CNTNAP5: variants seen among roughly 807,000 people sequenced by gnomAD.
CNTNAP5 encodes contactin associated protein family member 5, also known as contactin-associated protein-like 5.
CNTNAP5 carries 72 observed loss-of-function variants against 150.2 expected under a neutral mutation model. The ratio of observed to expected loss-of-function variants is 0.48; its 90% CI spans 0.40 to 0.58. The LOEUF is 0.58. Ranked by LOEUF, CNTNAP5 falls within the 20% of genes least tolerant of loss-of-function variation. The probability of loss-of-function intolerance (pLI) is 0.00; values close to 1 mark genes in which losing one functional copy is unlikely to be tolerated. For missense variants in CNTNAP5, 1,636 were observed against 1,626.2 expected (o/e 1.01, Z -0.10); for synonymous variants, 672 against 619.8 (o/e 1.08, Z -1.25).
chr2:124,386,333 T>G (rs1479517509), intron 3 of CNTNAP5, among the ~76,000 whole-genome samples: 1 of 152,194 alleles, frequency 6.6e-6, no homozygotes, highest in East Asian at 1.9e-4. Context: ...TGTTTGAAAC[T>G]CAGAATCACA....
intron 2 of CNTNAP5, among the ~76,000 whole-genome samples, chr2:124,239,849 A>T (rs1317856917): frequency 1.3e-5 from 2 of 152,240 alleles, no homozygotes; most frequent in Admixed American, 6.5e-5. Context: ...GAAGCTAGAG[A>T]AAGGCAGAGG....
rs143521861 is a variant in CNTNAP5, at chr2:124,576,712, G to T, written c.1756+13389G>T. ...TTCCAGGCTCTAACAATTACTAATTGAGTGACCTGTGGGAAATTATTCACC... is the reference window on the plus strand; with the variant it reads ...TTCCAGGCTCTAACAATTACTAATTTAGTGACCTGTGGGAAATTATTCACC... On this transcript the variant is annotated intron_variant, in intron 11 of 23. Coordinates refer to ENST00000682447, the MANE Select transcript of CNTNAP5 (RefSeq NM_001367498.1). 6.3e-4 allele frequency among the ~76,000 whole-genome samples: 96 copies of T among 152,278 alleles called. 1 individual carries two copies. The highest frequency in any genetic ancestry group is 2.1e-3 in the African/African-American group (89 of 41,560).
rs189512162 is a variant in CNTNAP5 at position 124,919,285 on chromosome 2, C to T, written c.*4997C>T. Among the ~76,000 whole-genome samples the T allele has an allele frequency of 3.3e-5, 5 of 151,946 alleles. No homozygotes were observed. Among genetic ancestry groups the T allele is most frequent in the South Asian group, 2.1e-4 (1 of 4,812 alleles). On this transcript the variant is annotated 3_prime_UTR_variant, in exon 24 of 24. Transcript: ENST00000682447. ...TTCATATAAGGTTTTAATAATTAAC[C>T]GGTTTGCTATTTTTCAGTGATTATT... is the stretch of plus-strand genomic sequence containing the variant.
intron 12 of CNTNAP5, among the ~76,000 whole-genome samples, chr2:124,613,325 A>ATTAT (rs1306051844): frequency 6.6e-6 from 1 of 152,164 alleles, no homozygotes; most frequent in East Asian, 1.9e-4. Context: ...TATCTTTAAC[A>ATTAT]CTGGGATAAT....
intron 1 of CNTNAP5, among the ~76,000 whole-genome samples, chr2:124,198,984 T>C (rs1041449551): frequency 6.6e-6 from 1 of 152,152 alleles, no homozygotes; most frequent in African/African-American, 2.4e-5. Context: ...TCTGGTAGTC[T>C]TATTTTGTTT....
intron 12 of CNTNAP5, among the ~76,000 whole-genome samples, chr2:124,638,683 T>C (rs1678024347): frequency 6.6e-6 from 1 of 152,222 alleles, no homozygotes; most frequent in Non-Finnish European, 1.5e-5. Context: ...CTTGTTCTTA[T>C]CCAACTTTTT....
chr2:124,702,675 CTA>C (rs1464715614), intron 13 of CNTNAP5, among the ~76,000 whole-genome samples: 2 of 152,046 alleles, frequency 1.3e-5, no homozygotes, highest in East Asian at 3.9e-4. Flanking sequence ...AGTGTCTGCC[CTA>C]TATCAATTTT....
At chr2:124,075,964 T>C (rs1474073523) in intron 1 of CNTNAP5, among the ~76,000 whole-genome samples, 1 of 152,186 alleles carries the variant, frequency 6.6e-6, no homozygotes, top group East Asian at 1.9e-4. Context: ...AACTTGTGCA[T>C]CTCAGAAATG....
intron 12 of CNTNAP5, among the ~76,000 whole-genome samples, chr2:124,642,774 TAGC>T (rs146632594): frequency 0.021 from 3,228 of 152,314 alleles, 42 homozygotes; most frequent in Middle Eastern, 0.037. Flanking sequence ...CTCTGGTGGA[TAGC>T]AGAGCACTAA....
chr2:124,565,403 A>T (rs565656562), intron 11 of CNTNAP5, among the ~76,000 whole-genome samples: 1 of 152,274 alleles, frequency 6.6e-6, no homozygotes, highest in South Asian at 2.1e-4. Context: ...TTTTCTATGA[A>T]GTGATTATTA....
chr2:124,859,213 A>G (rs1351664766), intron 19 of CNTNAP5, among the ~76,000 whole-genome samples: 1 of 152,118 alleles, frequency 6.6e-6, no homozygotes, highest in African/African-American at 2.4e-5. Flanking sequence ...AATTTACAAG[A>G]AAAAAACAAA....
At chr2:124,563,959 G>A (rs141717705) in intron 11 of CNTNAP5, among the ~76,000 whole-genome samples, 1 of 152,286 alleles carries the variant, frequency 6.6e-6, no homozygotes, top group East Asian at 1.9e-4. Context: ...CCTCAATAGG[G>A]GCTGAAGTGC....
chr2:124,300,556 G>A (rs547195650), intron 3 of CNTNAP5, among the ~76,000 whole-genome samples: 48 of 152,312 alleles, frequency 3.2e-4, no homozygotes, highest in African/African-American at 1.1e-3. Flanking sequence ...GATGGAGGAA[G>A]GTCATCAGGT....
intron 1 of CNTNAP5, among the ~76,000 whole-genome samples, chr2:124,208,146 T>G (rs1558801573): frequency 6.6e-6 from 1 of 152,166 alleles, no homozygotes; most frequent in Non-Finnish European, 1.5e-5. Flanking sequence ...ACCTGGTAGG[T>G]CATTTCATAG....
intron 13 of CNTNAP5, among the ~76,000 whole-genome samples, chr2:124,680,121 C>G (rs1679032174): frequency 6.6e-6 from 1 of 151,748 alleles, no homozygotes; most frequent in African/African-American, 2.4e-5. Context: ...CAGATTCCCT[C>G]AAAAGTTCTT....
At position 124,126,026 on chromosome 2, in the gene CNTNAP5, A is replaced by G. The variant is rs188632541; in HGVS notation, c.83-95679A>G. On this transcript the variant is annotated intron_variant, in intron 1 of 23. Coordinates refer to ENST00000682447, the MANE Select transcript of CNTNAP5 (RefSeq NM_001367498.1). ...GAACTGCAGAAGCAAGAGCAAACAC[A>G]TTCAAAAGCTAGCAGAAGGCAAGAA... 2.5e-3 allele frequency among the ~76,000 whole-genome samples: 378 copies of G among 152,320 alleles called. 1 individual carries two copies. Among genetic ancestry groups the G allele is most frequent in the African/African-American group, 8.5e-3 (355 of 41,572 alleles).
chr2:124,216,886 A>G (rs561362505), intron 1 of CNTNAP5, among the ~76,000 whole-genome samples: 1 of 152,264 alleles, frequency 6.6e-6, no homozygotes, highest in Non-Finnish European at 1.5e-5. Context: ...ATGATTTATA[A>G]TCCTTTGGGT....
At chr2:124,806,019 T>C (rs183693453) in intron 19 of CNTNAP5, among the ~76,000 whole-genome samples, 4 of 152,334 alleles carry the variant, frequency 2.6e-5, no homozygotes, top group Middle Eastern at 3.4e-3. Context: ...CATATGAATC[T>C]TGTGGAGACA....
intron 3 of CNTNAP5, among the ~76,000 whole-genome samples, chr2:124,364,094 GA>G (rs1296394325): frequency 2.0e-5 from 3 of 152,160 alleles, no homozygotes; most frequent in Non-Finnish European, 4.4e-5. Context: ...AGAGTAGTAA[GA>G]GGCAAAATCC....
Sources: allele counts gnomAD v4.1 joint callset (sites outside exome capture counted in the v4.1 genomes callset), GRCh38; gene constraint gnomAD v4.1.1; transcripts MANE v1.5; gene names NCBI Gene and HGNC (gene_info 2026-07-23, HGNC 2026-07-21).